MTO1: variants seen among roughly 807,000 people sequenced by gnomAD.
MTO1 encodes the protein mitochondrial tRNA translation optimization 1.
A neutral mutation model predicts 71.6 loss-of-function variants in MTO1; 46 were observed. The ratio of observed to expected loss-of-function variants is 0.64; its 90% CI spans 0.51 to 0.82. MTO1 has a LOEUF of 0.82. Among genes scored for constraint, MTO1 ranks in the 40% least tolerant of loss-of-function variants. The pLI, the probability that MTO1 is intolerant of heterozygous loss-of-function variation, is 0.00. For synonymous variants in MTO1, 297 were observed against 312.1 expected (o/e 0.95, Z 0.51); for missense variants, 773 against 867.5 (o/e 0.89, Z 1.37).
rs368546349 is a variant in MTO1, at chr6:73,502,895, C to CA, written c.*2173dup. 21,399 of 129,810 alleles carry CA rather than the reference C, an allele frequency of 0.16. 1,725 individuals are homozygous for CA. The highest frequency in any genetic ancestry group is 0.22 in the Middle Eastern group (53 of 244). 8.0% of individuals were successfully genotyped at this position (129,810 alleles called of 1,614,324 possible). ...CTGGCAACAGAGTGAGACTCTGTCTCAAAAAAAAAAAAAGAAACAGGAAGT... is the reference window on the plus strand; with the variant it reads ...CTGGCAACAGAGTGAGACTCTGTCTCAAAAAAAAAAAAAAGAAACAGGAAGT... On this transcript the variant is annotated 3_prime_UTR_variant, in exon 12 of 12. Transcript: ENST00000498286.
At chr6:73,481,855 T>C (rs1319983456) in intron 7 of MTO1, among the ~76,000 whole-genome samples, 185 bp from the exon 8 acceptor site, 3 of 152,180 alleles carry the variant, frequency 2.0e-5, no homozygotes, top group Non-Finnish European at 4.4e-5. Flanking sequence ...CATAGCCTTC[T>C]AAAGTGATAT....
At chr6:73,480,175 A>C in intron 6 of MTO1, 49 bp downstream of exon 6, 7 of 1,575,154 alleles carry the variant, frequency 4.4e-6, no homozygotes, top group Non-Finnish European at 6.1e-6. Context: ...CATTGTTTTA[A>C]TGGTCAGTGA....
In MTO1 at chr6:73,461,958, C is replaced by A. The variant is rs777113004; in HGVS notation, c.104C>A (p.Pro35Gln). 2 of 1,614,108 alleles carry A rather than the reference C, an allele frequency of 1.2e-6. No homozygotes were observed. The highest frequency in any genetic ancestry group is 1.3e-5 in the African/African-American group (1 of 74,938). ...AGTGACAGCGCGGCGCCCCGGACTC[C>A]GCACTTCGACGTGATAGTCATTGGT... ...LSSDSAAPRT[P>Q]HFDVIVIGGG... Residue 35 changes from proline to glutamine, a missense_variant, in exon 1 of 12, where the codon CCG (proline) becomes CAG (glutamine). By Grantham distance (76) the Pro-to-Gln change is moderately conservative (BLOSUM62 -1). Transcript: ENST00000498286.
In MTO1 at chr6:73,480,053, G is replaced by A. The variant is rs200078197; in HGVS notation, c.1056G>A (p.Thr352=). ...TCTACCCACAGGGGTTATCTATGAC[G>A]CTACCAGCTGAGTTACAAGAGAAAA... ...DLIYPQGLSM[T]LPAELQEKMI... The change falls in exon 6 of 12, where the codon ACG becomes ACA. Residue 352 remains threonine (T), a synonymous_variant. Coordinates refer to ENST00000498286, the MANE Select transcript of MTO1 (RefSeq NM_012123.4). 14 of 1,614,094 alleles carry A rather than the reference G, an allele frequency of 8.7e-6. No individual in the cohort carries two copies. The highest frequency in any genetic ancestry group is 1.6e-4 in the Middle Eastern group (1 of 6,062).
chr6:73,488,382 A>C (rs1771711325), intron 9 of MTO1, among the ~76,000 whole-genome samples: 1 of 152,092 alleles, frequency 6.6e-6, no homozygotes, highest in South Asian at 2.1e-4. Flanking sequence ...TGTGTTGCCA[A>C]GGTTGGTCTT....
At position 73,480,084 on chromosome 6, in the gene MTO1, A is replaced by C; in HGVS notation, c.1087A>C (p.Thr363Pro). 4 of 1,614,126 alleles carry C rather than the reference A, an allele frequency of 2.5e-6. No individual in the cohort carries two copies. Among genetic ancestry groups the C allele is most frequent in the Non-Finnish European group, 3.4e-6 (4 of 1,180,014 alleles). ...LPAELQEKMI[T>P]CIRGLEKAKV... ...AGCTGAGTTACAAGAGAAAATGATC[A>C]CATGCATCAGAGGCTTGGAGAAAGC... The change falls in exon 6 of 12, where the codon ACA (threonine) becomes CCA (proline). Residue 363 changes from threonine to proline, a missense_variant. Transcript: ENST00000498286.
intron 10 of MTO1, 107 bp from the exon 11 acceptor site, chr6:73,497,629 A>C: frequency 8.9e-7 from 1 of 1,125,258 alleles, no homozygotes; most frequent in Admixed American, 2.3e-5. Context: ...GTTGAATGAG[A>C]TGATGTACAC....
At chr6:73,491,173 C>T (rs1193028369) in intron 9 of MTO1, among the ~76,000 whole-genome samples, 1 of 151,936 alleles carries the variant, frequency 6.6e-6, no homozygotes, top group African/African-American at 2.4e-5. Context: ...GAGGCTTTAG[C>T]CCATCCAGAG....
chr6:73,469,922 T>C (rs913168074), intron 3 of MTO1, among the ~76,000 whole-genome samples: 4 of 151,958 alleles, frequency 2.6e-5, no homozygotes, highest in Non-Finnish European at 2.9e-5. Context: ...GGAGAACCAC[T>C]TGAACCCTGG....
intron 10 of MTO1, among the ~76,000 whole-genome samples, chr6:73,493,350 A>ATGTGTGTGTGTGTG (rs1169202264): frequency 1.5e-4 from 7 of 46,312 alleles, no homozygotes; most frequent in Non-Finnish European, 2.5e-4. Context: ...TGAAATGTGC[A>ATGTGTGTGTGTGTG]TGTATGTGTG....
chr6:73,500,351 T>C (rs1413171795), intron 11 of MTO1, among the ~76,000 whole-genome samples: 1 of 152,224 alleles, frequency 6.6e-6, no homozygotes, highest in Non-Finnish European at 1.5e-5. Flanking sequence ...GCACAAGCTA[T>C]TTTAACATTT....
intron 10 of MTO1, among the ~76,000 whole-genome samples, chr6:73,495,985 G>A (rs1001812477): frequency 2.6e-5 from 4 of 152,194 alleles, no homozygotes; most frequent in Non-Finnish European, 5.9e-5. Flanking sequence ...GAGTGGCAGA[G>A]CTGGGACTGG....
intron 11 of MTO1, among the ~76,000 whole-genome samples, chr6:73,499,110 A>AG (rs1772082950): frequency 6.6e-6 from 1 of 152,132 alleles, no homozygotes. Flanking sequence ...CATAAAATAA[A>AG]GGGGCATATT....
In MTO1 at chr6:73,500,885, AT is replaced by A. The variant is rs1561956118; in HGVS notation, c.*152del. 6.4e-6 allele frequency: 4 copies of A among 623,138 alleles called. No homozygotes were observed. Among genetic ancestry groups the A allele is most frequent in the African/African-American group, 1.9e-5 (1 of 52,634 alleles). 38.6% of individuals were successfully genotyped at this position (623,138 alleles called of 1,614,324 possible). A position where few individuals can be genotyped will look rare whatever the true frequency, so the allele number is the denominator to read the frequency against. On this transcript the variant is annotated 3_prime_UTR_variant, in exon 12 of 12. Transcript: ENST00000498286. The stretch of plus-strand genomic sequence containing the variant: ...ATTTCTGAGTGGGACAGAAATTATA[AT>A]TGTGCTTTTTCGTGTATATGAAAAA...
In MTO1 at chr6:73,482,051, CG is replaced by C. The variant is rs1561946879; in HGVS notation, c.1274del (p.Gly425GlufsTer23). ...EEAAAQGVIA[G>X]INASLRVSRK... is the part of the protein sequence containing the mutation. ...CAGTGCTCTTGTAGGGTGTGATAGC[CG>C]GAATCAACGCCAGTCTTCGGGTCAG... On this transcript the variant is annotated frameshift_variant, in exon 8 of 12. Transcript: ENST00000498286. LOFTEE classifies it high-confidence loss of function. The C allele has an allele frequency of 6.2e-7, 1 of 1,614,012 alleles. No homozygotes were observed. Among genetic ancestry groups the C allele is most frequent in the East Asian group, 2.2e-5 (1 of 44,884 alleles).
intron 11 of MTO1, 94 bp downstream of exon 11, chr6:73,497,990 A>C (rs1212604343): frequency 4.5e-6 from 5 of 1,110,462 alleles, no homozygotes; most frequent in Non-Finnish European, 6.3e-6. Context: ...CATATAACTA[A>C]TGTTTTATTT....
At chr6:73,488,059 T>C (rs926054774) in intron 9 of MTO1, among the ~76,000 whole-genome samples, 2 of 152,212 alleles carry the variant, frequency 1.3e-5, no homozygotes, top group Admixed American at 1.3e-4. Context: ...GTGGCTTTGA[T>C]TTTATTTCTC....
intron 9 of MTO1, 107 bp from the exon 10 acceptor site, chr6:73,492,127 C>G: frequency 4.3e-5 from 29 of 674,652 alleles, no homozygotes; most frequent in Non-Finnish European, 6.4e-5. Context: ...AAGAAATAAT[C>G]TTTTGGTATT....
In MTO1 at chr6:73,474,174, C is replaced by T. The variant is rs917583139; in HGVS notation, c.825+520C>T. Among the ~76,000 whole-genome samples the T allele has an allele frequency of 1.3e-5, 2 of 151,922 alleles. 1 individual carries two copies. Among genetic ancestry groups the T allele is most frequent in the African/African-American group, 4.8e-5 (2 of 41,340 alleles). On this transcript the variant is annotated intron_variant, in intron 4 of 11. Transcript: ENST00000498286. ...GTGGCACGATCTCAGCTCACTGCAA[C>T]GTCTGCCTCCTGGGTTCAAGCAGTT... is the stretch of plus-strand genomic sequence containing the variant.
Sources: gnomAD v4.1 joint callset for allele counts (sites outside exome capture counted in the v4.1 genomes callset) on GRCh38, gnomAD v4.1.1 for gene constraint, MANE v1.5 for transcripts, NCBI Gene and HGNC (gene_info 2026-07-23, HGNC 2026-07-21) for gene names.